CCSER1: variants seen among roughly 807,000 people sequenced by gnomAD.
CCSER1 encodes serine-rich coiled-coil domain-containing protein 1.
In CCSER1, 41 loss-of-function variants were observed where a neutral mutation model predicts 82.0. That is an observed-to-expected ratio of 0.50 (90% confidence interval 0.39 to 0.65). The LOEUF is 0.65. CCSER1 is among the 30% of genes least tolerant of loss of function. The pLI is 0.00. For synonymous variants in CCSER1, 414 were observed against 383.9 expected (o/e 1.08, Z -0.92); for missense variants, 1,119 against 1,064.2 (o/e 1.05, Z -0.72).
intron 10 of CCSER1, among the ~76,000 whole-genome samples, chr4:91,292,771 T>A (rs916624378): frequency 6.6e-6 from 1 of 151,954 alleles, no homozygotes; most frequent in African/African-American, 2.4e-5. Context: ...AAAAATAAAT[T>A]TTAAAAAAGT....
At position 91,013,718 on chromosome 4, in the gene CCSER1, T is replaced by A. The variant is rs1394591579; in HGVS notation, c.2173-72232T>A. Reference sequence around the variant, plus strand: ...CCCGGGTTCACGCCATTCTCCTGCCTCAGGCTCCCGAGCAGCTGGGACTCC... The same window carrying A: ...CCCGGGTTCACGCCATTCTCCTGCCACAGGCTCCCGAGCAGCTGGGACTCC... On this transcript the variant is annotated intron_variant, in intron 9 of 10. Transcript: ENST00000509176. Among the ~76,000 whole-genome samples the A allele has an allele frequency of 1.6e-5, 2 of 127,162 alleles. 1 individual carries two copies. Among genetic ancestry groups the A allele is most frequent in the Non-Finnish European group, 3.6e-5 (2 of 55,022 alleles). The allele number at this position is 127,162 out of a possible 152,430, so 83.4% of individuals were successfully genotyped here.
At chr4:91,021,830 A>G (rs1740002031) in intron 9 of CCSER1, among the ~76,000 whole-genome samples, 1 of 152,190 alleles carries the variant, frequency 6.6e-6, no homozygotes. Context: ...CTTTTTTTAA[A>G]AAAGAATTAA....
intron 10 of CCSER1, among the ~76,000 whole-genome samples, chr4:91,480,595 A>C (rs1757856353): frequency 6.6e-6 from 1 of 152,192 alleles, no homozygotes; most frequent in South Asian, 2.1e-4. Flanking sequence ...GAAATGTTTC[A>C]TGTTTATGCA....
intron 10 of CCSER1, among the ~76,000 whole-genome samples, chr4:91,418,312 A>AAAC (rs1298224286): frequency 6.6e-6 from 1 of 150,858 alleles, no homozygotes; most frequent in Non-Finnish European, 1.5e-5. Flanking sequence ...TTAAAAAAAA[A>AAAC]AAAAACAAAA....
At position 90,271,850 on chromosome 4, in the gene CCSER1, ATATATATATATATTTTTTTTTTTTTT is replaced by A. The variant is rs1560919339; in HGVS notation, c.-41-36392_-41-36367del. ...TTTATATATATATATATATATATAT[ATATATATATATATTTTTTTTTTTTTT>A]TTTTTTTTTTTTTTAAAAGGAGGTT... is the stretch of plus-strand genomic sequence containing the variant. On this transcript the variant is annotated intron_variant, in intron 1 of 10. Transcript: ENST00000509176. 1.1e-3 allele frequency among the ~76,000 whole-genome samples: 25 copies of A among 23,140 alleles called. 1 individual carries two copies. The highest frequency in any genetic ancestry group is 6.7e-3 in the African/African-American group (14 of 2,092). The allele number at this position is 23,140 out of a possible 152,430, so 15.2% of individuals were successfully genotyped here.
chr4:90,352,743 A>G (rs963136047), intron 3 of CCSER1, among the ~76,000 whole-genome samples: 1 of 152,136 alleles, frequency 6.6e-6, no homozygotes, highest in African/African-American at 2.4e-5. Context: ...TAGTAAACAT[A>G]ACATTGAATA....
At chr4:90,791,061 T>G (rs1331429013) in intron 7 of CCSER1, among the ~76,000 whole-genome samples, 1 of 152,126 alleles carries the variant, frequency 6.6e-6, no homozygotes, top group Admixed American at 6.5e-5. Context: ...CTTAGGGAAC[T>G]TACAGGCATG....
intron 2 of CCSER1, among the ~76,000 whole-genome samples, chr4:90,310,332 G>C (rs1295738828): frequency 6.6e-6 from 1 of 151,894 alleles, no homozygotes; most frequent in Non-Finnish European, 1.5e-5. Context: ...TTCAGTTCAA[G>C]AAAATTTTTG....
chr4:90,630,271 T>A (rs984015622), intron 6 of CCSER1, among the ~76,000 whole-genome samples: 2 of 152,230 alleles, frequency 1.3e-5, no homozygotes, highest in Non-Finnish European at 2.9e-5. Flanking sequence ...TATTAGAAGA[T>A]ACTAGTCTCA....
chr4:90,466,178 G>A (rs1763611028), intron 4 of CCSER1, among the ~76,000 whole-genome samples: 1 of 152,202 alleles, frequency 6.6e-6, no homozygotes, highest in South Asian at 2.1e-4. Flanking sequence ...TTGACTTTCA[G>A]TTAATCAAAA....
intron 9 of CCSER1, among the ~76,000 whole-genome samples, chr4:90,978,595 A>G (rs2150414994): frequency 6.6e-6 from 1 of 151,950 alleles, no homozygotes; most frequent in East Asian, 1.9e-4. Flanking sequence ...TGAAAATAAT[A>G]AATAATTCTG....
At chr4:90,840,226 A>G (rs1049091417) in intron 8 of CCSER1, among the ~76,000 whole-genome samples, 1 of 152,150 alleles carries the variant, frequency 6.6e-6, no homozygotes, top group Non-Finnish European at 1.5e-5. Context: ...CCAATATCTA[A>G]TATTAAATGT....
chr4:91,319,201 A>ATCAC, intron 10 of CCSER1: 1 of 198,914 alleles, frequency 5.0e-6, no homozygotes, highest in Non-Finnish European at 1.1e-5. Flanking sequence ...AGAATAGAGT[A>ATCAC]TCACCTTCGA....
intron 1 of CCSER1, among the ~76,000 whole-genome samples, chr4:90,293,117 A>G (rs1423697491): frequency 1.3e-5 from 2 of 151,890 alleles, no homozygotes; most frequent in Admixed American, 1.3e-4. Context: ...AAATGTTACC[A>G]TCTTTATACA....
rs536444456 is a variant in CCSER1 at position 90,403,367 on chromosome 4, C to T, written c.1603+3238C>T. 7.4e-3 allele frequency among the ~76,000 whole-genome samples: 1,111 copies of T among 150,432 alleles called. 8 individuals are homozygous for T. Among genetic ancestry groups the T allele is most frequent in the Non-Finnish European group, 0.011 (764 of 67,106 alleles). On this transcript the variant is annotated intron_variant, in intron 4 of 10. Coordinates refer to ENST00000509176, the MANE Select transcript of CCSER1 (RefSeq NM_001145065.2). ...ACAAAAAATTAGCCGGGCGTAGTGG[C>T]GGGCGCCTGTAGTCCCAGCTACTTG...
intron 10 of CCSER1, among the ~76,000 whole-genome samples, chr4:91,357,776 C>G (rs1002488833): frequency 2.0e-5 from 3 of 147,178 alleles, no homozygotes; most frequent in Non-Finnish European, 3.0e-5. Context: ...TCTCAACTTT[C>G]TGACTTATTA....
At chr4:90,632,580 A>G (rs954202794) in intron 6 of CCSER1, among the ~76,000 whole-genome samples, 1 of 152,146 alleles carries the variant, frequency 6.6e-6, no homozygotes, top group Non-Finnish European at 1.5e-5. Flanking sequence ...GGAACCAGAG[A>G]TGGAGATGAG....
intron 10 of CCSER1, among the ~76,000 whole-genome samples, chr4:91,376,522 T>G (rs1348924301): frequency 4.6e-5 from 7 of 152,160 alleles, no homozygotes; most frequent in Non-Finnish European, 1.5e-5. Context: ...GGCACATGAT[T>G]GTACATAAAC....
chr4:91,209,797 A>T (rs1308786973), intron 10 of CCSER1, among the ~76,000 whole-genome samples: 1 of 151,598 alleles, frequency 6.6e-6, no homozygotes, highest in East Asian at 1.9e-4. Context: ...TTTTTTCCCC[A>T]ATTCAGTCTA....
Sources: gnomAD v4.1 joint callset for allele counts (sites outside exome capture counted in the v4.1 genomes callset) on GRCh38, gnomAD v4.1.1 for gene constraint, MANE v1.5 for transcripts, NCBI Gene and HGNC (gene_info 2026-07-23, HGNC 2026-07-21) for gene names.